SOX6: variants seen among roughly 807,000 people sequenced by gnomAD.
SOX6 encodes the protein transcription factor SOX-6.
A neutral mutation model predicts 97.8 loss-of-function variants in SOX6; 11 were observed. The ratio of observed to expected loss-of-function variants is 0.11; its 90% CI spans 0.07 to 0.19. The LOEUF is 0.19. SOX6 is among the 10% of genes least tolerant of loss of function. The probability of loss-of-function intolerance (pLI) is 1.00; values close to 1 mark genes in which losing one functional copy is unlikely to be tolerated. For synonymous variants in SOX6, 360 were observed against 371.4 expected, an observed-to-expected ratio of 0.97 and a Z score of 0.35; for missense variants, 810 against 1,039.5, an observed-to-expected ratio of 0.78 and a Z score of 3.04.
At chr11:15,977,719 G>A (rs1853530520) in intron 15 of SOX6, among the ~76,000 whole-genome samples, 1 of 152,032 alleles carries the variant, frequency 6.6e-6, no homozygotes, top group Non-Finnish European at 1.5e-5. Context: ...AATTTACAAT[G>A]CTGTACTTCA....
chr11:16,645,508 C>G (rs1034837139), intron 3 of SOX6, among the ~76,000 whole-genome samples: 1 of 152,048 alleles, frequency 6.6e-6, no homozygotes, highest in Non-Finnish European at 1.5e-5. Context: ...CAGAATATGA[C>G]CTTATTTGGA....
At chr11:16,412,431 T>C (rs2133057123) in intron 1 of SOX6, among the ~76,000 whole-genome samples, 1 of 152,244 alleles carries the variant, frequency 6.6e-6, no homozygotes, top group East Asian at 1.9e-4. Context: ...CAACACTCAG[T>C]TGGGTAAGTG....
At chr11:16,557,188 G>C (rs1265083585) in intron 4 of SOX6, among the ~76,000 whole-genome samples, 2 of 151,750 alleles carry the variant, frequency 1.3e-5, no homozygotes, top group Non-Finnish European at 3.0e-5. Flanking sequence ...AAAGCCTCTT[G>C]AGTATAATTA....
chr11:16,162,352 A>G (rs993969931), intron 6 of SOX6, among the ~76,000 whole-genome samples: 2 of 152,208 alleles, frequency 1.3e-5, no homozygotes, highest in African/African-American at 2.4e-5. Context: ...TTGGACAAGC[A>G]ATACCCTTGA....
intron 2 of SOX6, among the ~76,000 whole-genome samples, chr11:16,723,812 T>G (rs544392240): frequency 6.6e-6 from 1 of 152,068 alleles, no homozygotes; most frequent in Non-Finnish European, 1.5e-5. Context: ...AAGTCCAACC[T>G]CTCGATTTTT....
intron 4 of SOX6, among the ~76,000 whole-genome samples, chr11:16,540,103 A>T (rs973826892): frequency 6.6e-6 from 1 of 152,190 alleles, no homozygotes; most frequent in African/African-American, 2.4e-5. Context: ...CCAGCAGCAC[A>T]TGAAAAAGCT....
chr11:16,190,580 C>T (rs889592260), intron 4 of SOX6, among the ~76,000 whole-genome samples: 7 of 152,126 alleles, frequency 4.6e-5, no homozygotes, highest in Non-Finnish European at 7.4e-5. Flanking sequence ...ACATAAGGAA[C>T]TTGAGCATCC....
chr11:16,085,193 T>G (rs760534814), intron 9 of SOX6, among the ~76,000 whole-genome samples: 8 of 152,156 alleles, frequency 5.3e-5, no homozygotes, highest in Non-Finnish European at 1.0e-4. Context: ...ACAGCAACAC[T>G]GAGAGAGGAT....
intron 3 of SOX6, among the ~76,000 whole-genome samples, chr11:16,636,219 GT>G (rs2133999720): frequency 6.6e-6 from 1 of 152,336 alleles, no homozygotes; most frequent in South Asian, 2.1e-4. Context: ...AAGCTACAGG[GT>G]CAGAGCTGCC....
chr11:16,204,578 A>AAAG (rs1565018282), intron 4 of SOX6, among the ~76,000 whole-genome samples: 5 of 116,466 alleles, frequency 4.3e-5, no homozygotes, highest in African/African-American at 1.6e-4. Context: ...AAGAAAGAAA[A>AAAG]AAAACAACTT....
intron 12 of SOX6, among the ~76,000 whole-genome samples, chr11:16,022,373 T>TCCTTCCTTCCTCCCTC (rs1485049397): frequency 2.3e-5 from 3 of 132,660 alleles, no homozygotes; most frequent in South Asian, 5.0e-4. Flanking sequence ...CTTCCTTCCT[T>TCCTTCCTTCCTCCCTC]CCTCCCTCCC....
chr11:16,351,651 C>G (rs1201062946), intron 1 of SOX6, among the ~76,000 whole-genome samples: 1 of 152,070 alleles, frequency 6.6e-6, no homozygotes, highest in Non-Finnish European at 1.5e-5. Context: ...TTGTTGCCTC[C>G]TAGCCTTTGC....
chr11:16,090,622 C>T (rs1848663704), intron 9 of SOX6, among the ~76,000 whole-genome samples: 1 of 151,646 alleles, frequency 6.6e-6, no homozygotes, highest in African/African-American at 2.4e-5. Flanking sequence ...GAGCACTCAA[C>T]CAAATATTTT....
At position 16,182,753 on chromosome 11, in the gene SOX6, A is replaced by G. The variant is rs1004558320; in HGVS notation, c.777+1133T>C. 1.1e-4 allele frequency among the ~76,000 whole-genome samples: 16 copies of G among 152,016 alleles called. No homozygotes were observed. In the South Asian group the frequency reaches 1.2e-3, roughly 12 times the overall value. On this transcript the variant is annotated intron_variant, in intron 6 of 15. Transcript: ENST00000683767. ...GACAAAATGCCAATTAGGTAAAGGG[A>G]CTGCTTCAGATACCAAATTAGTACT...
intron 6 of SOX6, among the ~76,000 whole-genome samples, chr11:16,152,667 C>T (rs1298434262): frequency 1.3e-5 from 2 of 152,092 alleles, no homozygotes; most frequent in South Asian, 2.1e-4. Context: ...TACTTCCTAG[C>T]TTCATGTTTT....
intron 1 of SOX6, among the ~76,000 whole-genome samples, chr11:16,389,126 A>G (rs562140431): frequency 7.2e-5 from 11 of 152,280 alleles, no homozygotes; most frequent in Admixed American, 6.5e-4. Flanking sequence ...TCTGACAACC[A>G]GGCAAGAGTG....
intron 4 of SOX6, among the ~76,000 whole-genome samples, chr11:16,201,523 T>C (rs1232148830): frequency 6.7e-6 from 1 of 150,298 alleles, no homozygotes; most frequent in African/African-American, 2.4e-5. Context: ...ATATTCTATA[T>C]ATAGATAGAT....
intron 9 of SOX6, among the ~76,000 whole-genome samples, chr11:16,076,855 G>A (rs1848367386): frequency 6.9e-6 from 1 of 145,232 alleles, no homozygotes; most frequent in Non-Finnish European, 1.5e-5. Context: ...CCGGGTTCAC[G>A]CCATTCTCCT....
intron 6 of SOX6, among the ~76,000 whole-genome samples, chr11:16,128,267 C>T (rs1354787784): frequency 6.6e-6 from 1 of 152,100 alleles, no homozygotes; most frequent in African/African-American, 2.4e-5. Context: ...TTTCATAATG[C>T]TTAAGGGTGC....
Sources: gnomAD v4.1 joint callset for allele counts (sites outside exome capture counted in the v4.1 genomes callset) on GRCh38, gnomAD v4.1.1 for gene constraint, MANE v1.5 for transcripts, NCBI Gene and HGNC (gene_info 2026-07-23, HGNC 2026-07-21) for gene names.